Variants in DOT1L observed in about 807,000 individuals in gnomAD.
The protein encoded by DOT1L is DOT1 like histone lysine methyltransferase, also known as histone-lysine N-methyltransferase, H3 lysine-79 specific.
Under a neutral mutation model 153.3 loss-of-function variants are expected in DOT1L, and 33 were observed. The ratio of observed to expected loss-of-function variants is 0.22; its 90% CI spans 0.16 to 0.29. The LOEUF (loss-of-function observed/expected upper bound fraction) is 0.29, where lower values mean the gene tolerates loss of function less well. Among genes scored for constraint, DOT1L ranks in the 10% least tolerant of loss-of-function variants. The pLI is 1.00. For synonymous variants in DOT1L, 1,135 were observed against 965.1 expected (o/e 1.18, Z -3.26); for missense variants, 1,847 against 2,119.9 (o/e 0.87, Z 2.53).
intron 3 of DOT1L, among the ~76,000 whole-genome samples, chr19:2,187,721 G>T (rs1023281437): frequency 3.9e-5 from 6 of 152,138 alleles, no homozygotes; most frequent in Non-Finnish European, 7.4e-5. Flanking sequence ...AGGAGATCGA[G>T]ACCATCCTCG....
intron 26 of DOT1L, 55 bp from the exon 27 acceptor site, chr19:2,226,128 G>A: frequency 6.8e-7 from 1 of 1,477,650 alleles, no homozygotes. Flanking sequence ...TTAGCCTCAT[G>A]GGTAGCCCGG....
intron 27 of DOT1L, chr19:2,228,040 C>T (rs1440476196): frequency 7.7e-7 from 1 of 1,304,614 alleles, no homozygotes; most frequent in Non-Finnish European, 1.0e-6. Context: ...CTGCTGGCCT[C>T]TAACCCTGAG....
At chr19:2,180,460 A>C (rs2022178961) in intron 1 of DOT1L, among the ~76,000 whole-genome samples, 1 of 152,126 alleles carries the variant, frequency 6.6e-6, no homozygotes, top group African/African-American at 2.4e-5. Flanking sequence ...ACTCCATCCC[A>C]GGCCGCTGCC....
In DOT1L at chr19:2,190,911, G is replaced by C; in HGVS notation, c.265-101G>C. ...CTGCAGGGGGACGAGAGGCCATGCA[G>C]CCGACTCCCTGCTTCCGCTGGGAAA... On this transcript the variant is annotated intron_variant, in intron 4 of 27. Coordinates refer to ENST00000398665, the MANE Select transcript of DOT1L (RefSeq NM_032482.3). The surrounding 1 kb of genome is among the most constrained non-coding windows in gnomAD (Gnocchi z 4.8). 8.6e-7 allele frequency: 1 copy of C among 1,167,064 alleles called. No homozygotes were observed. The highest frequency in any genetic ancestry group is 1.4e-5 in the South Asian group (1 of 70,378). The allele number at this position is 1,167,064 out of a possible 1,614,324, so 72.3% of individuals were successfully genotyped here. A position where few individuals can be genotyped will look rare whatever the true frequency, so the allele number is the denominator to read the frequency against.
chr19:2,201,417 G>A (rs970223567), intron 8 of DOT1L, among the ~76,000 whole-genome samples: 5 of 152,020 alleles, frequency 3.3e-5, no homozygotes, highest in African/African-American at 1.2e-4. Flanking sequence ...CCGCACCCTC[G>A]CTCCTGCTGT....
At chr19:2,200,932 A>G (rs1342539399) in intron 8 of DOT1L, among the ~76,000 whole-genome samples, 420 of 61,496 alleles carry the variant, frequency 6.8e-3, no homozygotes, top group Middle Eastern at 0.021. Flanking sequence ...CGTATTCCTC[A>G]TCCTCCCCGC....
rs2023436613 is a variant in DOT1L at position 2,204,980 on chromosome 19, T to G, written c.788-1749T>G. ...GGATCCACTTTGACTTTTAATTTTTTTTTTTTTGGAGACGGAGTCTCACTC... is the reference window on the plus strand; with the variant it reads ...GGATCCACTTTGACTTTTAATTTTTGTTTTTTTGGAGACGGAGTCTCACTC... On this transcript the variant is annotated intron_variant, in intron 9 of 27. Coordinates refer to ENST00000398665, the MANE Select transcript of DOT1L (RefSeq NM_032482.3). This position sits in a 1 kb window ranked among gnomAD's most constrained non-coding sequence, Gnocchi z 5.7. 6.6e-6 allele frequency among the ~76,000 whole-genome samples: 1 copy of G among 152,044 alleles called. No individual in the cohort carries two copies. Among genetic ancestry groups the G allele is most frequent in the Non-Finnish European group, 1.5e-5 (1 of 67,982 alleles).
chr19:2,218,698 CTTTT>C (rs976164808), intron 22 of DOT1L, among the ~76,000 whole-genome samples: 2 of 145,388 alleles, frequency 1.4e-5, no homozygotes, highest in Admixed American at 6.8e-5. Flanking sequence ...TGGCCTCTTT[CTTTT>C]TTTTTATTTT....
chr19:2,191,263 G>T lies in DOT1L; in HGVS notation c.493+23G>T. On this transcript the variant is annotated intron_variant, in intron 5 of 27. Transcript: ENST00000398665. This position sits in a 1 kb window ranked among gnomAD's most constrained non-coding sequence, Gnocchi z 6.8. ...GCGGTGAGTGTCGCCCGCCATGCCC[G>T]GCTCCTGTGCACTTCCAGGCCACAC... 3 of 1,610,082 alleles carry T rather than the reference G, an allele frequency of 1.9e-6. No individual in the cohort carries two copies. Among genetic ancestry groups the T allele is most frequent in the Non-Finnish European group, 2.5e-6 (3 of 1,177,222 alleles).
chr19:2,216,560 A>T lies in DOT1L; in HGVS notation c.2203A>T (p.Thr735Ser). The T allele has an allele frequency of 6.2e-7, 1 of 1,609,840 alleles. No individual in the cohort carries two copies. The highest frequency in any genetic ancestry group is 1.1e-5 in the South Asian group (1 of 91,060). Reference sequence around the variant, plus strand: ...GAGCCGGCCTTCGTCGAAGCAGAACACGCCCCAGTACCTGGCCTCACCCCT... The same window carrying T: ...GAGCCGGCCTTCGTCGAAGCAGAACTCGCCCCAGTACCTGGCCTCACCCCT... ...VLSRPSSKQN[T>S]PQYLASPLDQ... Residue 735 changes from threonine to serine, a missense_variant, in exon 20 of 28, where the codon ACG becomes TCG. Transcript: ENST00000398665.
In DOT1L at chr19:2,174,583, G is replaced by A. The variant is rs138211212; in HGVS notation, c.82-6130G>A. Among the ~76,000 whole-genome samples, 83 of 152,286 alleles carry A rather than the reference G, an allele frequency of 5.5e-4. 1 individual carries two copies. In the East Asian group the frequency reaches 0.014, roughly 26 times the overall value. ...CGCCTGTAATCCCAGCTACTTGGGA[G>A]GCTGAGGCAGGAGAATCGCAAAAGC... On this transcript the variant is annotated intron_variant, in intron 1 of 27. Transcript: ENST00000398665.
At chr19:2,225,573 C>T (rs1039639393) in intron 26 of DOT1L, 121 bp downstream of exon 26, 29 of 1,113,856 alleles carry the variant, frequency 2.6e-5, no homozygotes, top group South Asian at 2.3e-4. Context: ...TGGCCCGCTG[C>T]GTCGTGTCCT....
chr19:2,190,780 C>G lies in DOT1L; in HGVS notation c.265-232C>G, dbSNP rs1300358237. ...GAGAGGCCCGTGGCAGGAGGTGGAG[C>G]CTCCTAGGACCCCTCTGAGTTGGGG... On this transcript the variant is annotated intron_variant, in intron 4 of 27. Transcript: ENST00000398665. The surrounding 1 kb of genome is among the most constrained non-coding windows in gnomAD (Gnocchi z 4.8). Among the ~76,000 whole-genome samples the G allele has an allele frequency of 6.6e-6, 1 of 151,824 alleles. No homozygotes were observed. The highest frequency in any genetic ancestry group is 2.4e-5 in the African/African-American group (1 of 41,298).
chr19:2,165,685 A>G (rs1369338399), intron 1 of DOT1L, among the ~76,000 whole-genome samples: 1 of 152,028 alleles, frequency 6.6e-6, no homozygotes, highest in Admixed American at 6.5e-5. Context: ...AAGGCATATG[A>G]CCATAAGAGT....
Position 2,222,412 on chromosome 19 carries a change from G to C in DOT1L, c.3243G>C (p.Gln1081His), listed in dbSNP as rs757080776. The part of the protein sequence containing the change: ...ARGDCVPSHG[Q>H]DSRRRGRRKR... ...GGGACTGTGTGCCGAGCCACGGGCA[G>C]GACAGTCGCAGGCGCGGCCGGCGGA... Residue 1081 changes from glutamine (Q) to histidine (H), a missense_variant, in exon 24 of 28, where the codon CAG becomes CAC. Physicochemically the swap from Gln to His is conservative, Grantham distance 24. Transcript: ENST00000398665. The surrounding 1 kb of genome is among the most constrained non-coding windows in gnomAD (Gnocchi z 6.5). 2 of 1,610,964 alleles carry C rather than the reference G, an allele frequency of 1.2e-6. No homozygotes were observed. Among genetic ancestry groups the C allele is most frequent in the Non-Finnish European group, 1.7e-6 (2 of 1,178,994 alleles).
chr19:2,199,851 G>A lies in DOT1L; in HGVS notation c.652-33G>A, dbSNP rs751321135. The A allele has an allele frequency of 1.5e-5, 24 of 1,608,986 alleles. No individual in the cohort carries two copies. The African/African-American group carries it at 3.1e-4, about 21-fold the overall frequency. On this transcript the variant is annotated intron_variant, in intron 7 of 27. Coordinates refer to ENST00000398665, the MANE Select transcript of DOT1L (RefSeq NM_032482.3). ...CGGGCTGGGAGTGCCAGGGAGGCCG[G>A]GGGTCCGCGCTCACACCTGTTTTCC...
At chr19:2,181,065 G>A (rs1338407178) in intron 2 of DOT1L, among the ~76,000 whole-genome samples, 1 of 152,158 alleles carries the variant, frequency 6.6e-6, no homozygotes, top group Non-Finnish European at 1.5e-5. Context: ...ACCCTCACGC[G>A]CCCTCGACGG....
At chr19:2,195,672 G>T (rs2022985788) in intron 7 of DOT1L, among the ~76,000 whole-genome samples, 1 of 152,162 alleles carries the variant, frequency 6.6e-6, no homozygotes, top group South Asian at 2.1e-4. Flanking sequence ...AGGAGTGCTG[G>T]GTGGGGCGGG....
chr19:2,165,428 C>T (rs1175486087), intron 1 of DOT1L, among the ~76,000 whole-genome samples: 6 of 152,196 alleles, frequency 3.9e-5, no homozygotes. Flanking sequence ...TCCAGCCTGG[C>T]CGCACGTCCC....
Sources: gnomAD v4.1 joint callset for allele counts (sites outside exome capture counted in the v4.1 genomes callset) on GRCh38, gnomAD v4.1.1 for gene constraint, Gnocchi (gnomAD v3.1) non-coding constraint, MANE v1.5 for transcripts, NCBI Gene and HGNC (gene_info 2026-07-23, HGNC 2026-07-21) for gene names.